The following ASB14 variants were observed in gnomAD, a reference collection of about 807,000 sequenced individuals.
ASB14 encodes ankyrin repeat and SOCS box protein 14.
In ASB14, 63 loss-of-function variants were observed where a neutral mutation model predicts 55.6. The ratio of observed to expected loss-of-function variants is 1.13; its 90% CI spans 0.92 to 1.40. The LOEUF (loss-of-function observed/expected upper bound fraction) is 1.40, where lower values mean the gene tolerates loss of function less well. Ranked by LOEUF, ASB14 falls within the 40% of genes most tolerant of loss-of-function variation. The probability of loss-of-function intolerance (pLI) is 0.00; values close to 1 mark genes in which losing one functional copy is unlikely to be tolerated. For missense variants in ASB14, 724 were observed against 710.4 expected (o/e 1.02, Z -0.22); for synonymous variants, 256 against 259.9 (o/e 0.98, Z 0.15).
intron 6 of ASB14, among the ~76,000 whole-genome samples, chr3:57,281,549 G>C (rs2061040640): frequency 6.6e-6 from 1 of 152,200 alleles, no homozygotes; most frequent in East Asian, 1.9e-4. Flanking sequence ...TCAGGGTCCA[G>C]TGGCTGCCCA....
chr3:57,283,701 C>G (rs1330429018), intron 5 of ASB14, among the ~76,000 whole-genome samples: 1 of 152,042 alleles, frequency 6.6e-6, no homozygotes, highest in Non-Finnish European at 1.5e-5. Context: ...CAAATGTAAA[C>G]TTTTCACTTA....
chr3:57,274,419 A>G (rs141558824), intron 10 of ASB14, among the ~76,000 whole-genome samples: 1 of 152,216 alleles, frequency 6.6e-6, no homozygotes, highest in African/African-American at 2.4e-5. Context: ...ACACTGGCTC[A>G]TGCCTGTAAT....
At chr3:57,291,859 T>C in intron 2 of ASB14, 53 bp downstream of exon 2, 1 of 1,431,458 alleles carries the variant, frequency 7.0e-7, no homozygotes, top group East Asian at 2.5e-5. Flanking sequence ...ATGACAAGTG[T>C]CAGCTGTTGA....
chr3:57,268,394 T>G lies in ASB14; in HGVS notation c.*1247A>C, dbSNP rs769594187. On this transcript the variant is annotated 3_prime_UTR_variant, in exon 11 of 11. Coordinates refer to ENST00000487349, the MANE Select transcript of ASB14 (RefSeq NM_001142733.3). ...TTCATTAGTTTTATTCATCTGTTCT[T>G]TAGGATCGTAGGGCATCAGAAAAAC... The G allele has an allele frequency of 5.8e-6, 9 of 1,553,812 alleles. No homozygotes were observed. Among genetic ancestry groups the G allele is most frequent in the Non-Finnish European group, 7.9e-6 (9 of 1,138,336 alleles).
intron 8 of ASB14, 128 bp downstream of exon 8, chr3:57,278,249 A>G (rs1464095467): frequency 2.7e-5 from 18 of 671,462 alleles, no homozygotes; most frequent in Non-Finnish European, 4.1e-5. Context: ...TTATTTTATC[A>G]TATAATTATT....
intron 2 of ASB14, among the ~76,000 whole-genome samples, chr3:57,289,797 AC>A (rs147843807): frequency 0.19 from 26,885 of 143,492 alleles, 2,667 homozygotes; most frequent in African/African-American, 0.24. Context: ...ACAGGTGCCC[AC>A]CATCACGGCC....
intron 7 of ASB14, among the ~76,000 whole-genome samples, chr3:57,279,916 TG>T (rs1046293035): frequency 7.9e-5 from 12 of 151,734 alleles, no homozygotes; most frequent in African/African-American, 2.9e-4. Flanking sequence ...CAGCGGGGGT[TG>T]GGGGGGAACC....
At chr3:57,278,322 T>C in intron 8 of ASB14, 55 bp downstream of exon 8, 1 of 1,451,216 alleles carries the variant, frequency 6.9e-7, no homozygotes, top group Non-Finnish European at 9.6e-7. Context: ...ATTGCCATAG[T>C]TCCAGGGCCA....
intron 4 of ASB14, 27 bp from the exon 5 acceptor site, chr3:57,288,086 A>G (rs1322020564): frequency 5.2e-6 from 8 of 1,535,802 alleles, no homozygotes; most frequent in Non-Finnish European, 7.0e-6. Flanking sequence ...ATACCACACA[A>G]ATTAAGATAT....
At chr3:57,279,237 G>A (rs1306652690) in intron 7 of ASB14, among the ~76,000 whole-genome samples, 1 of 129,980 alleles carries the variant, frequency 7.7e-6, no homozygotes, top group Non-Finnish European at 1.6e-5. Flanking sequence ...GCCATTTCTA[G>A]TTCTTCCTAG....
Position 57,278,620 on chromosome 3 carries a change from C to T in ASB14, c.1188G>A (p.Met396Ile), listed in dbSNP as rs1419454159. The change falls in exon 8 of 11, where the codon ATG becomes ATA. Residue 396 changes from methionine (M) to isoleucine (I), a missense_variant. Transcript: ENST00000487349. ...GCAGACTGATCAGCTCATAGTTGCC[C>T]ATCCTGAGGGCTATCTGGAGGCAGT... ...PVNCLQIALR[M>I]GNYELISLLL... 1 of 1,614,172 alleles carries T rather than the reference C, an allele frequency of 6.2e-7. No individual in the cohort carries two copies. Among genetic ancestry groups the T allele is most frequent in the Admixed American group, 1.7e-5 (1 of 60,024 alleles).
chr3:57,279,426 G>T (rs555371957), intron 7 of ASB14, among the ~76,000 whole-genome samples: 6 of 151,626 alleles, frequency 4.0e-5, no homozygotes, highest in African/African-American at 1.2e-4. Flanking sequence ...TAGGGCTGGG[G>T]GTGGTGGCTC....
chr3:57,276,723 G>A lies in ASB14; in HGVS notation c.1591C>T (p.Pro531Ser). Reference protein sequence around the residue: ...WSEIHFILTNPRSLKHLCRLK... With the variant: ...WSEIHFILTNSRSLKHLCRLK... ...CGGCACAAATGTTTTAGGGAGCGAG[G>A]GTTTGCTAAAAAGAAAAGGCACATT... The change falls in exon 10 of 11, where the codon CCT becomes TCT. Residue 531 changes from proline to serine, a missense_variant. Pro to Ser is a moderately conservative substitution (Grantham distance 74, BLOSUM62 -1). Transcript: ENST00000487349. 6.2e-7 allele frequency: 1 copy of A among 1,605,902 alleles called. No individual in the cohort carries two copies. Among genetic ancestry groups the A allele is most frequent in the East Asian group, 2.2e-5 (1 of 44,818 alleles).
chr3:57,269,423 G>C lies in ASB14; in HGVS notation c.*218C>G. On this transcript the variant is annotated 3_prime_UTR_variant, in exon 11 of 11. Transcript: ENST00000487349. ...AGCTTTTCTTTTTATCAAGTTGTCA[G>C]AAGTATGCATACATATTTATGACAG... 1 of 973,756 alleles carries C rather than the reference G, an allele frequency of 1.0e-6. No individual in the cohort carries two copies. 60.3% of individuals were successfully genotyped at this position (973,756 alleles called of 1,614,324 possible).
Position 57,283,285 on chromosome 3 carries a change from G to C in ASB14, c.624C>G (p.His208Gln), listed in dbSNP as rs2107625417. 5.2e-6 allele frequency: 8 copies of C among 1,551,936 alleles called. No individual in the cohort carries two copies. Among genetic ancestry groups the C allele is most frequent in the Non-Finnish European group, 7.0e-6 (8 of 1,147,050 alleles). The change falls in exon 6 of 11, where the codon CAC becomes CAG. Residue 208 changes from histidine (H) to glutamine (Q), a missense_variant. Physicochemically the swap from His to Gln is conservative, Grantham distance 24 (BLOSUM62 0). Coordinates refer to ENST00000487349, the MANE Select transcript of ASB14 (RefSeq NM_001142733.3). ...ATCCATACGTGCTCTGTGGGTCAGG[G>C]TGTGCCCCAGAAACCAGCATAAGCT... Reference protein sequence around the residue: ...MVKLMLVSGAHPDPQSTYGFT... With the variant: ...MVKLMLVSGAQPDPQSTYGFT...
In ASB14 at chr3:57,279,109, C is replaced by T. The variant is rs112826007; in HGVS notation, c.888-189G>A. Among the ~76,000 whole-genome samples, 20 of 151,584 alleles carry T rather than the reference C, an allele frequency of 1.3e-4. No homozygotes were observed. In the East Asian group the frequency reaches 1.7e-3, roughly 13 times the overall value. On this transcript the variant is annotated intron_variant, in intron 7 of 10. Coordinates refer to ENST00000487349, the MANE Select transcript of ASB14 (RefSeq NM_001142733.3). ...ACCAAGTAAAATTGAATGGAATTAC[C>T]GTCTAAGCTATAAAATTCAGAATTA...
intron 7 of ASB14, 55 bp downstream of exon 7, chr3:57,280,247 A>ATAAAAGGT (rs1270286648): frequency 8.2e-7 from 1 of 1,226,328 alleles, no homozygotes; most frequent in African/African-American, 1.5e-5. Context: ...GCAGCACAAA[A>ATAAAAGGT]TAAAAGGTAG....
At chr3:57,291,865 G>C in intron 2 of ASB14, 47 bp downstream of exon 2, 1 of 1,459,466 alleles carries the variant, frequency 6.9e-7, no homozygotes, top group Non-Finnish European at 9.2e-7. Context: ...AGTGTCAGCT[G>C]TTGAATACAA....
intron 10 of ASB14, among the ~76,000 whole-genome samples, chr3:57,273,931 G>T (rs1244760914): frequency 6.6e-6 from 1 of 152,018 alleles, no homozygotes; most frequent in African/African-American, 2.4e-5. Flanking sequence ...AAGGTACAGG[G>T]AATAGATGAA....
Sources: allele counts gnomAD v4.1 joint callset (sites outside exome capture counted in the v4.1 genomes callset), GRCh38; gene constraint gnomAD v4.1.1; transcripts MANE v1.5; gene names NCBI Gene and HGNC (gene_info 2026-07-23, HGNC 2026-07-21).